The following ZNF407 variants were observed in gnomAD, a reference collection of about 807,000 sequenced individuals.
ZNF407 encodes zinc finger protein 407.
Under a neutral mutation model 131.2 loss-of-function variants are expected in ZNF407, and 17 were observed. That is an observed-to-expected ratio of 0.13 (90% CI 0.09 to 0.19). The LOEUF is 0.19. ZNF407 is among the 10% of genes least tolerant of loss of function. The pLI is 1.00. For missense variants in ZNF407, 2,681 were observed against 2,830.6 expected (o/e 0.95, Z 1.20); for synonymous variants, 1,156 against 1,062.0 (o/e 1.09, Z -1.72).
In ZNF407 at chr18:74,641,135, A is replaced by G; in HGVS notation, c.4802+13A>G. On this transcript the variant is annotated intron_variant, in intron 3 of 8. Coordinates refer to ENST00000299687, the MANE Select transcript of ZNF407 (RefSeq NM_017757.3). ...GTCATGTCTGTGGGTGAGTAAATTG[A>G]AGCCATCTCTGCTGCGTGAACCAGG... The G allele has an allele frequency of 6.3e-7, 1 of 1,592,770 alleles. No individual in the cohort carries two copies. Among genetic ancestry groups the G allele is most frequent in the Non-Finnish European group, 8.6e-7 (1 of 1,160,786 alleles).
intron 4 of ZNF407, among the ~76,000 whole-genome samples, chr18:74,841,885 G>A (rs910835766): frequency 3.9e-5 from 6 of 152,286 alleles, no homozygotes; most frequent in African/African-American, 1.2e-4. Flanking sequence ...AATCCTTCAT[G>A]TTATCTCCTA....
At chr18:74,892,787 T>C (rs553658978) in intron 7 of ZNF407, among the ~76,000 whole-genome samples, 42 of 152,290 alleles carry the variant, frequency 2.8e-4, no homozygotes, top group Non-Finnish European at 4.9e-4. Flanking sequence ...CCAAGTTACA[T>C]TGATGCACAA....
At position 74,632,272 on chromosome 18, in the gene ZNF407, G is replaced by T; in HGVS notation, c.1253G>T (p.Arg418Leu). 6.2e-7 allele frequency: 1 copy of T among 1,613,932 alleles called. No homozygotes were observed. The change falls in exon 2 of 9, where the codon CGA (arginine) becomes CTA (leucine). Residue 418 changes from arginine (R) to leucine (L), a missense_variant. By Grantham distance (102) the Arg-to-Leu change is moderately radical. Transcript: ENST00000299687. ...NSVTSRPRPE[R>L]NILVLGNSFR... Reference sequence around the variant, plus strand: ...GTAACCTCGAGGCCAAGACCTGAGCGAAATATTCTCGTGTTGGGTAATAGC... The same window carrying T: ...GTAACCTCGAGGCCAAGACCTGAGCTAAATATTCTCGTGTTGGGTAATAGC...
intron 1 of ZNF407, among the ~76,000 whole-genome samples, chr18:74,609,352 C>T (rs1349743139): frequency 6.6e-6 from 1 of 152,166 alleles, no homozygotes; most frequent in East Asian, 1.9e-4. Context: ...CAGCCTGCTA[C>T]ACACCTGGGC....
At chr18:74,613,707 G>T (rs73973922) in intron 1 of ZNF407, among the ~76,000 whole-genome samples, 3,946 of 152,248 alleles carry the variant, frequency 0.026, 149 homozygotes, top group African/African-American at 0.084. Flanking sequence ...GCTAAATTTA[G>T]CAAATCCAAA....
At chr18:74,713,554 G>A (rs1369347179) in intron 3 of ZNF407, among the ~76,000 whole-genome samples, 1 of 151,808 alleles carries the variant, frequency 6.6e-6, no homozygotes, top group Non-Finnish European at 1.5e-5. Flanking sequence ...TGGAAAGCTT[G>A]GCCAGTTTGT....
At chr18:74,871,029 A>G (rs1007954791) in intron 4 of ZNF407, among the ~76,000 whole-genome samples, 4 of 152,170 alleles carry the variant, frequency 2.6e-5, no homozygotes, top group Admixed American at 6.5e-5. Flanking sequence ...CACAATTATG[A>G]TGCTTATAGA....
At chr18:74,773,052 T>C (rs766036024) in intron 3 of ZNF407, among the ~76,000 whole-genome samples, 27 of 152,086 alleles carry the variant, frequency 1.8e-4, no homozygotes, top group Non-Finnish European at 3.1e-4. Context: ...ATATTGTCAA[T>C]GCAGACAAGA....
chr18:75,015,553 A>G (rs1028686407), intron 8 of ZNF407, among the ~76,000 whole-genome samples: 6 of 146,270 alleles, frequency 4.1e-5, no homozygotes, highest in African/African-American at 1.5e-4. Context: ...ATCATATAAA[A>G]CATATAAACA....
intron 1 of ZNF407, among the ~76,000 whole-genome samples, chr18:74,608,294 A>C (rs1318750960): frequency 1.3e-5 from 2 of 151,904 alleles, no homozygotes; most frequent in Non-Finnish European, 2.9e-5. Context: ...CCAGTATCCC[A>C]CATTGTATTT....
intron 3 of ZNF407, among the ~76,000 whole-genome samples, chr18:74,643,065 A>G (rs1485181189): frequency 1.3e-5 from 2 of 152,118 alleles, no homozygotes; most frequent in Admixed American, 6.6e-5. Context: ...TGTTGCAGAA[A>G]AAGTATCATA....
At chr18:74,943,062 C>T (rs1452410875) in intron 8 of ZNF407, among the ~76,000 whole-genome samples, 1 of 151,912 alleles carries the variant, frequency 6.6e-6, no homozygotes, top group African/African-American at 2.4e-5. Context: ...GCTACAGGCA[C>T]ATGCCACCAT....
chr18:74,879,032 A>G (rs1159162427), intron 5 of ZNF407, among the ~76,000 whole-genome samples: 1 of 152,210 alleles, frequency 6.6e-6, no homozygotes, highest in Admixed American at 6.5e-5. Context: ...TCACTAATGT[A>G]TTGAGAATCA....
At chr18:74,826,327 C>A (rs898531873) in intron 4 of ZNF407, among the ~76,000 whole-genome samples, 5 of 152,140 alleles carry the variant, frequency 3.3e-5, no homozygotes, top group Non-Finnish European at 1.5e-5. Context: ...CTGTTTCCTG[C>A]ACACTTTCTC....
chr18:74,906,130 C>G (rs1418591837), intron 7 of ZNF407, among the ~76,000 whole-genome samples: 1 of 152,154 alleles, frequency 6.6e-6, no homozygotes, highest in Non-Finnish European at 1.5e-5. Context: ...TGCAGTACCC[C>G]TTGTAGGCAT....
chr18:74,955,596 T>G (rs1169244441), intron 8 of ZNF407, among the ~76,000 whole-genome samples: 1 of 152,220 alleles, frequency 6.6e-6, no homozygotes, highest in Non-Finnish European at 1.5e-5. Flanking sequence ...TACATTGTGA[T>G]GTACTGGGTA....
In ZNF407 at chr18:74,635,215, A is replaced by C; in HGVS notation, c.4196A>C (p.Lys1399Thr). Residue 1399 changes from lysine to threonine, a missense_variant, in exon 2 of 9, where the codon AAA (lysine) becomes ACA (threonine). Lys to Thr is a moderately conservative substitution (Grantham distance 78). Transcript: ENST00000299687. This position sits in a 1 kb window ranked among gnomAD's most constrained non-coding sequence, Gnocchi z 4.7. ...TTGAAAGACTGTGCTCAAGGTGTGA[A>C]AAAGAAGAAATCTGAGGGCAGTTCC... ...LPLKDCAQGV[K>T]KKKSEGSSIG... is the part of the protein sequence containing the mutation. 6.2e-7 allele frequency: 1 copy of C among 1,614,018 alleles called. No homozygotes were observed. Among genetic ancestry groups the C allele is most frequent in the African/African-American group, 1.3e-5 (1 of 75,054 alleles).
intron 4 of ZNF407, among the ~76,000 whole-genome samples, chr18:74,866,305 A>T (rs190853020): frequency 1.3e-5 from 2 of 152,208 alleles, no homozygotes; most frequent in Admixed American, 1.3e-4. Context: ...GAAAGGGTCA[A>T]TTTTGTACTG....
intron 7 of ZNF407, among the ~76,000 whole-genome samples, chr18:74,915,279 G>T (rs759087719): frequency 1.3e-5 from 2 of 152,004 alleles, no homozygotes; most frequent in Non-Finnish European, 2.9e-5. Context: ...TTCACCCAAG[G>T]TATCTGCTGT....
Sources: allele counts gnomAD v4.1 joint callset (sites outside exome capture counted in the v4.1 genomes callset), GRCh38; gene constraint gnomAD v4.1.1; non-coding constraint Gnocchi (gnomAD v3.1); transcripts MANE v1.5; gene names NCBI Gene and HGNC (gene_info 2026-07-23, HGNC 2026-07-21).